Variants in SAMD5 observed in about 807,000 individuals in gnomAD.
SAMD5 encodes the protein sterile alpha motif domain-containing protein 5.
In SAMD5, 13 loss-of-function variants were observed where a neutral mutation model predicts 11.3. The ratio of observed to expected loss-of-function variants is 1.15; its 90% confidence interval spans 0.75 to 1.83. SAMD5 has a LOEUF of 1.83. Ranked by LOEUF, SAMD5 falls within the 40% of genes most tolerant of loss-of-function variation. The probability of loss-of-function intolerance (pLI) is 0.00; values close to 1 mark genes in which losing one functional copy is unlikely to be tolerated. For missense variants in SAMD5, 255 were observed against 239.1 expected, an observed-to-expected ratio of 1.07 and a Z score of -0.44; for synonymous variants, 129 against 111.3, an observed-to-expected ratio of 1.16 and a Z score of -1.00.
the SAMD5 span, among the ~76,000 whole-genome samples, chr6:147,907,973 T>A: frequency 2.5e-3 from 376 of 152,284 alleles, 2 homozygotes; most frequent in Non-Finnish European, 3.4e-3. Context: ...ATTTCAAAGG[T>A]GTAACTGAGC....
the SAMD5 span, among the ~76,000 whole-genome samples, chr6:147,809,364 A>G: frequency 1.3e-5 from 2 of 152,282 alleles, no homozygotes; most frequent in South Asian, 2.1e-4. Flanking sequence ...TCCCCAGCTT[A>G]AATGAAGAGA....
chr6:147,550,529 T>TA (rs1230482112), intron 1 of SAMD5, among the ~76,000 whole-genome samples: 3 of 152,086 alleles, frequency 2.0e-5, no homozygotes, highest in African/African-American at 7.2e-5. Context: ...ATGACTAGAT[T>TA]AAAAAAATGT....
At chr6:147,689,199 C>T (rs1420753638) in intron 1 of SAMD5, among the ~76,000 whole-genome samples, 1 of 152,146 alleles carries the variant, frequency 6.6e-6, no homozygotes, top group Admixed American at 6.5e-5. Flanking sequence ...CAGTAAGACC[C>T]AGCATAAAGG....
the SAMD5 span, among the ~76,000 whole-genome samples, chr6:147,941,610 A>C: frequency 6.6e-6 from 1 of 152,208 alleles, no homozygotes; most frequent in Non-Finnish European, 1.5e-5. Context: ...ATAAACAAAA[A>C]ATGTGAATAC....
the SAMD5 span, among the ~76,000 whole-genome samples, chr6:147,839,954 T>G: frequency 6.6e-6 from 1 of 152,220 alleles, no homozygotes; most frequent in Non-Finnish European, 1.5e-5. Flanking sequence ...ATATTCATAA[T>G]GTGTCTGAGG....
the SAMD5 span, among the ~76,000 whole-genome samples, chr6:147,892,004 G>A: frequency 0.61 from 92,727 of 151,994 alleles, 29,347 homozygotes; most frequent in African/African-American, 0.78. Context: ...AGGAGGGTGC[G>A]TCGGGCTCCT....
At chr6:147,517,359 C>T (rs1351860221) in intron 1 of SAMD5, among the ~76,000 whole-genome samples, 1 of 152,132 alleles carries the variant, frequency 6.6e-6, no homozygotes, top group Non-Finnish European at 1.5e-5. Context: ...AACAGCCTGG[C>T]TTATGTAAGC....
intron 1 of SAMD5, among the ~76,000 whole-genome samples, chr6:147,523,298 A>G (rs1002334415): frequency 6.6e-6 from 1 of 152,240 alleles, no homozygotes. Flanking sequence ...AAATATTACT[A>G]TAACAAATCC....
the SAMD5 span, among the ~76,000 whole-genome samples, chr6:147,916,548 C>CT: frequency 1.1e-4 from 17 of 151,856 alleles, no homozygotes; most frequent in Non-Finnish European, 1.8e-4. Flanking sequence ...GCATAAATGT[C>CT]TTTTTTAAAA....
the SAMD5 span, among the ~76,000 whole-genome samples, chr6:147,777,051 T>A: frequency 6.6e-6 from 1 of 152,194 alleles, no homozygotes; most frequent in Non-Finnish European, 1.5e-5. Flanking sequence ...CTGTCCCCTA[T>A]TTTCTTTTAA....
intron 1 of SAMD5, among the ~76,000 whole-genome samples, chr6:147,578,354 T>C (rs1202797387): frequency 6.6e-6 from 1 of 152,184 alleles, no homozygotes; most frequent in Non-Finnish European, 1.5e-5. Flanking sequence ...TAACGTGTCA[T>C]ACCCATTTCC....
intron 1 of SAMD5, among the ~76,000 whole-genome samples, chr6:147,632,439 G>A (rs1790165216): frequency 6.6e-6 from 1 of 152,220 alleles, no homozygotes; most frequent in Non-Finnish European, 1.5e-5. Flanking sequence ...CTGAGAGGTA[G>A]TGGAGAGGGG....
At chr6:147,954,193 T>C in the SAMD5 span, among the ~76,000 whole-genome samples, 8 of 152,348 alleles carry the variant, frequency 5.3e-5, no homozygotes, top group African/African-American at 1.7e-4. Context: ...TTTTATCACC[T>C]TCGTGTTTTA....
At chr6:147,709,600 C>T (rs142359248) in intron 1 of SAMD5, among the ~76,000 whole-genome samples, 1 of 152,156 alleles carries the variant, frequency 6.6e-6, no homozygotes, top group African/African-American at 2.4e-5. Flanking sequence ...CAGTCATTAG[C>T]TGGACCTAAC....
chr6:147,697,035 C>T (rs1039423526), intron 1 of SAMD5, among the ~76,000 whole-genome samples: 6 of 152,306 alleles, frequency 3.9e-5, no homozygotes, highest in African/African-American at 1.2e-4. Context: ...CCCACTTCCT[C>T]GTGTGCAGAT....
At chr6:147,802,079 A>G in the SAMD5 span, among the ~76,000 whole-genome samples, 12 of 152,342 alleles carry the variant, frequency 7.9e-5, no homozygotes, top group East Asian at 2.1e-3. Flanking sequence ...TCAAAATTAA[A>G]TGTCCTGTTC....
intron 1 of SAMD5, among the ~76,000 whole-genome samples, chr6:147,690,452 G>T (rs997916478): frequency 2.0e-5 from 3 of 152,092 alleles, no homozygotes; most frequent in African/African-American, 7.2e-5. Context: ...TTTAGGTCAG[G>T]AGTTCAAGAA....
At position 147,614,249 on chromosome 6, in the gene SAMD5, C is replaced by T. The variant is rs537975222; in HGVS notation, c.162+104862C>T. 4.5e-4 allele frequency among the ~76,000 whole-genome samples: 68 copies of T among 151,908 alleles called. 3 individuals carry two copies. Among genetic ancestry groups the T allele is most frequent in the African/African-American group, 1.6e-3 (65 of 41,262 alleles). ...TTGGGAGGCAGAGGCGGGCAGATCA[C>T]CTGAGCTCAGGAGTTCGAGACCAGC... On this transcript the variant is annotated intron_variant, in intron 1 of 1. Coordinates refer to the SAMD5 transcript ENST00000566741.
chr6:147,572,351 C>G (rs1426278124), downstream of SAMD5, among the ~76,000 whole-genome samples: 1 of 152,134 alleles, frequency 6.6e-6, no homozygotes, highest in African/African-American at 2.4e-5. Flanking sequence ...TTCTGACTTT[C>G]CTGTTTACTT....
Sources: allele counts gnomAD v4.1 joint callset (sites outside exome capture counted in the v4.1 genomes callset), GRCh38; gene constraint gnomAD v4.1.1; transcripts MANE v1.5; gene names NCBI Gene and HGNC (gene_info 2026-07-23, HGNC 2026-07-21).